The following SMOX variants were observed in gnomAD, a reference collection of about 807,000 sequenced individuals.
The protein encoded by SMOX is spermine oxidase, also known as flavin containing amine oxidase.
Under a neutral mutation model 51.0 loss-of-function variants are expected in SMOX, and 22 were observed. That is an observed-to-expected ratio of 0.43 (90% CI 0.31 to 0.62). The LOEUF (loss-of-function observed/expected upper bound fraction) is 0.62. SMOX is among the 20% of genes least tolerant of loss of function. The pLI is 0.10. For missense variants in SMOX, 566 were observed against 777.7 expected, an observed-to-expected ratio of 0.73 and a Z score of 3.24; for synonymous variants, 282 against 307.8, an observed-to-expected ratio of 0.92 and a Z score of 0.88.
rs145064074 is a variant in SMOX at position 4,182,819 on chromosome 20, T to C, written c.1340T>C (p.Ile447Thr). The change falls in exon 5 of 7, where the codon ATC becomes ACC. Residue 447 changes from isoleucine to threonine, a missense_variant. By Grantham distance (89) the Ile-to-Thr change is moderately conservative (BLOSUM62 -1). Around this residue, in one of 3 missense-constraint regions of SMOX, gnomAD observed 347 missense variants for 481.8 expected, o/e 0.72. Coordinates refer to ENST00000305958, the MANE Select transcript of SMOX (RefSeq NM_175839.3). This position sits in a 1 kb window ranked among gnomAD's most constrained non-coding sequence, Gnocchi z 8.4. Reference protein sequence around the residue: ...EKCDDEAVAEICTEMLRQFTG... With the variant: ...EKCDDEAVAETCTEMLRQFTG... ...TGTGATGACGAGGCAGTGGCCGAGA[T>C]CTGCACGGAGATGCTGCGTCAGTTC... is the stretch of plus-strand genomic sequence containing the variant. The C allele has an allele frequency of 1.1e-5, 17 of 1,609,700 alleles. No homozygotes were observed. The African/African-American group carries it at 1.9e-4, about 18-fold the overall frequency.
chr20:4,187,158 G>C lies in SMOX; in HGVS notation c.1531-112G>C. On this transcript the variant is annotated intron_variant, in intron 6 of 6. Coordinates refer to ENST00000305958, the MANE Select transcript of SMOX (RefSeq NM_175839.3). This position sits in a 1 kb window ranked among gnomAD's most constrained non-coding sequence, Gnocchi z 4.8. ...TGGAAGCAGCAGCACCTGCGTCTCA[G>C]AGCCTCTCTAATTTGTCATTGGGAT... 1 of 1,366,638 alleles carries C rather than the reference G, an allele frequency of 7.3e-7. No individual in the cohort carries two copies. Among genetic ancestry groups the C allele is most frequent in the Non-Finnish European group, 9.8e-7 (1 of 1,018,604 alleles). The allele number at this position is 1,366,638 out of a possible 1,614,324, so 84.7% of individuals were successfully genotyped here. A position where few individuals can be genotyped will look rare whatever the true frequency, so the allele number is the denominator to read the frequency against.
chr20:4,183,067 T>C lies in SMOX; in HGVS notation c.1369+219T>C. 1 of 637,036 alleles carries C rather than the reference T, an allele frequency of 1.6e-6. No homozygotes were observed. The allele number at this position is 637,036 out of a possible 1,614,324, so 39.5% of individuals were successfully genotyped here. A position where few individuals can be genotyped will look rare whatever the true frequency, so the allele number is the denominator to read the frequency against. On this transcript the variant is annotated intron_variant, in intron 5 of 6. Coordinates refer to ENST00000305958, the MANE Select transcript of SMOX (RefSeq NM_175839.3). The surrounding 1 kb of genome is among the most constrained non-coding windows in gnomAD (Gnocchi z 4.3). ...TCAGAATTATGGGCGCTGTGTCTCT[T>C]CCCCCTTTCTAAAGGCTGATGGTAA...
chr20:4,150,361 C>T (rs1439060961), intron 1 of SMOX, among the ~76,000 whole-genome samples: 1 of 152,150 alleles, frequency 6.6e-6, no homozygotes, highest in African/African-American at 2.4e-5. Flanking sequence ...GAGCTCCACG[C>T]CCCCAAAAGC....
intron 1 of SMOX, among the ~76,000 whole-genome samples, chr20:4,155,052 C>T (rs1985944259): frequency 6.6e-6 from 1 of 152,074 alleles, no homozygotes; most frequent in African/African-American, 2.4e-5. Context: ...TCTTGGGTGA[C>T]TGTATCCCGG....
At chr20:4,168,794 T>C (rs771544739) in intron 1 of SMOX, among the ~76,000 whole-genome samples, 33 of 151,840 alleles carry the variant, frequency 2.2e-4, no homozygotes, top group Non-Finnish European at 2.7e-4. Context: ...TGGCCTCAAG[T>C]GATCCGCCCG....
chr20:4,156,547 G>A (rs1380125881), intron 1 of SMOX, among the ~76,000 whole-genome samples: 1 of 152,090 alleles, frequency 6.6e-6, no homozygotes, highest in Non-Finnish European at 1.5e-5. Context: ...AACTGACCAG[G>A]GCCCTCAGAT....
chr20:4,172,714 C>T lies in SMOX; in HGVS notation c.-26-2316C>T, dbSNP rs1600813968. Among the ~76,000 whole-genome samples, 2 of 151,436 alleles carry T rather than the reference C, an allele frequency of 1.3e-5. No individual in the cohort carries two copies. The highest frequency in any genetic ancestry group is 4.8e-5 in the African/African-American group (2 of 41,280). ...GGCTCCGGGTCTCGGGCGCCACCTA[C>T]CGGCCCTTTTGGGAACCGATTCTGC... On this transcript the variant is annotated intron_variant, in intron 1 of 6. Transcript: ENST00000305958. The surrounding 1 kb of genome is among the most constrained non-coding windows in gnomAD (Gnocchi z 7.7).
rs775926416 is a variant in SMOX at position 4,181,952 on chromosome 20, C to T, written c.585C>T (p.Leu195=). 31 of 1,613,978 alleles carry T rather than the reference C, an allele frequency of 1.9e-5. No homozygotes were observed. The highest frequency in any genetic ancestry group is 1.2e-4 in the South Asian group (11 of 91,076). ...DDPEATKRLK[L]AMIQQYLKVE... ...CAGAGGCTACCAAGCGCCTGAAGCT[C>T]GCCATGATCCAGCAGTACCTGAAGG... is the stretch of plus-strand genomic sequence containing the variant. The change falls in exon 4 of 7, where the codon CTC becomes CTT. Residue 195 remains leucine, a synonymous_variant. Coordinates refer to ENST00000305958, the MANE Select transcript of SMOX (RefSeq NM_175839.3). This position sits in a 1 kb window ranked among gnomAD's most constrained non-coding sequence, Gnocchi z 5.6.
In SMOX at chr20:4,183,237, A is replaced by T; in HGVS notation, c.1370-257A>T. 3.4e-6 allele frequency: 2 copies of T among 588,288 alleles called. No homozygotes were observed. The highest frequency in any genetic ancestry group is 3.0e-6 in the Non-Finnish European group (1 of 332,972). 36.4% of individuals were successfully genotyped at this position (588,288 alleles called of 1,614,324 possible). ...CCCCGATATTAGGCGGGGAAACATG[A>T]TTATGTGTCATGTGTTTTCAGATAG... On this transcript the variant is annotated intron_variant, in intron 5 of 6. Coordinates refer to ENST00000305958, the MANE Select transcript of SMOX (RefSeq NM_175839.3). The surrounding 1 kb of genome is among the most constrained non-coding windows in gnomAD (Gnocchi z 4.3).
In SMOX at chr20:4,172,487, T is replaced by C. The variant is rs1412976748; in HGVS notation, c.-26-2543T>C. Among the ~76,000 whole-genome samples the C allele has an allele frequency of 6.6e-6, 1 of 151,650 alleles. No individual in the cohort carries two copies. Among genetic ancestry groups the C allele is most frequent in the East Asian group, 2.0e-4 (1 of 5,122 alleles). Reference sequence around the variant, plus strand: ...GGACTGGAGCCAGCCCTGATCCGTGTCCTCTCGGGAGGGAGGCAGGACCTA... The same window carrying C: ...GGACTGGAGCCAGCCCTGATCCGTGCCCTCTCGGGAGGGAGGCAGGACCTA... On this transcript the variant is annotated intron_variant, in intron 1 of 6. Transcript: ENST00000305958. This position sits in a 1 kb window ranked among gnomAD's most constrained non-coding sequence, Gnocchi z 7.7.
chr20:4,150,977 A>G (rs1347244813), intron 1 of SMOX, among the ~76,000 whole-genome samples: 1 of 151,956 alleles, frequency 6.6e-6, no homozygotes, highest in African/African-American at 2.4e-5. Context: ...GATTACAGGC[A>G]TGCGCCACCA....
At chr20:4,157,245 G>C (rs1188171703) in intron 1 of SMOX, among the ~76,000 whole-genome samples, 1 of 152,156 alleles carries the variant, frequency 6.6e-6, no homozygotes, top group East Asian at 1.9e-4. Context: ...CTGGGTTGTT[G>C]TGACACTCTA....
chr20:4,161,580 C>T (rs1279940194), intron 1 of SMOX, among the ~76,000 whole-genome samples: 1 of 152,152 alleles, frequency 6.6e-6, no homozygotes, highest in Admixed American at 6.5e-5. Flanking sequence ...TGGCCCTTGC[C>T]CTCACCCCAC....
In SMOX at chr20:4,177,300, C is replaced by T. The variant is rs143606778; in HGVS notation, c.209-51C>T. 6,299 of 1,484,646 alleles carry T rather than the reference C, an allele frequency of 4.2e-3. 16 individuals are homozygous for T. The highest frequency in any genetic ancestry group is 5.4e-3 in the Non-Finnish European group (5,928 of 1,088,088). 92.0% of individuals were successfully genotyped at this position (1,484,646 alleles called of 1,614,324 possible). The stretch of plus-strand genomic sequence containing the variant: ...GAAGGAGGGGGAAGCAGTGCTGGCC[C>T]TCTCTGGAGAAGTCCCTAAGCCTCT... On this transcript the variant is annotated intron_variant, in intron 2 of 6. Coordinates refer to ENST00000305958, the MANE Select transcript of SMOX (RefSeq NM_175839.3). The surrounding 1 kb of genome is among the most constrained non-coding windows in gnomAD (Gnocchi z 4.3).
rs1446125402 is a variant in SMOX at position 4,167,588 on chromosome 20, T to C, written c.-26-7442T>C. On this transcript the variant is annotated intron_variant, in intron 1 of 6. Transcript: ENST00000305958. The surrounding 1 kb of genome is among the most constrained non-coding windows in gnomAD (Gnocchi z 4.8). Reference sequence around the variant, plus strand: ...CGTCCTTGGAGTGAGTTCAGAGGTGTTGGCCAAGTGGGGCCTGGAGAAGGG... The same window carrying C: ...CGTCCTTGGAGTGAGTTCAGAGGTGCTGGCCAAGTGGGGCCTGGAGAAGGG... 1.3e-5 allele frequency among the ~76,000 whole-genome samples: 2 copies of C among 152,054 alleles called. No individual in the cohort carries two copies. Among genetic ancestry groups the C allele is most frequent in the Non-Finnish European group, 2.9e-5 (2 of 67,994 alleles).
rs1308538996 is a variant in SMOX, at chr20:4,149,800, C to G, written c.-27+823C>G. Among the ~76,000 whole-genome samples, 1 of 152,210 alleles carries G rather than the reference C, an allele frequency of 6.6e-6. No homozygotes were observed. Among genetic ancestry groups the G allele is most frequent in the African/African-American group, 2.4e-5 (1 of 41,446 alleles). ...AGGTGCCCACAGGTTGTTTGCAGAA[C>G]CTGCTGTTGGTGGCACATCACGTAC... is the stretch of plus-strand genomic sequence containing the variant. On this transcript the variant is annotated intron_variant, in intron 1 of 6. Coordinates refer to ENST00000305958, the MANE Select transcript of SMOX (RefSeq NM_175839.3). This position sits in a 1 kb window ranked among gnomAD's most constrained non-coding sequence, Gnocchi z 6.0.
chr20:4,183,764 AG>A lies in SMOX; in HGVS notation c.1530+112del. 7.8e-6 allele frequency: 10 copies of A among 1,283,506 alleles called. 1 individual carries two copies. In the South Asian group the frequency reaches 1.8e-4, roughly 22 times the overall value. 79.5% of individuals were successfully genotyped at this position (1,283,506 alleles called of 1,614,324 possible). A position where few individuals can be genotyped will look rare whatever the true frequency, so the allele number is the denominator to read the frequency against. On this transcript the variant is annotated intron_variant, in intron 6 of 6. Coordinates refer to ENST00000305958, the MANE Select transcript of SMOX (RefSeq NM_175839.3). The surrounding 1 kb of genome is among the most constrained non-coding windows in gnomAD (Gnocchi z 4.3). Reference sequence around the variant, plus strand: ...GTGTTCACTAAGGGGTGCTCAGGTGAGGCAGGGATGGAGTAGCTTCTGTAAT... The same window carrying A: ...GTGTTCACTAAGGGGTGCTCAGGTGAGCAGGGATGGAGTAGCTTCTGTAAT...
chr20:4,186,983 G>A, intron 6 of SMOX: 1 of 603,712 alleles, frequency 1.7e-6, no homozygotes, highest in Admixed American at 2.9e-5. Flanking sequence ...GGCTTAGGGA[G>A]GTTAAACCAC....
At position 4,183,279 on chromosome 20, in the gene SMOX, G is replaced by T; in HGVS notation, c.1370-215G>T. On this transcript the variant is annotated intron_variant, in intron 5 of 6. Coordinates refer to ENST00000305958, the MANE Select transcript of SMOX (RefSeq NM_175839.3). This position sits in a 1 kb window ranked among gnomAD's most constrained non-coding sequence, Gnocchi z 4.3. Reference sequence around the variant, plus strand: ...TTCAGATAGATAGGAAAAGTAAGGTGGAGCGTTTTGCCGGGGGTCACAGGA... The same window carrying T: ...TTCAGATAGATAGGAAAAGTAAGGTTGAGCGTTTTGCCGGGGGTCACAGGA... 1.6e-6 allele frequency: 1 copy of T among 627,850 alleles called. No individual in the cohort carries two copies. The allele number at this position is 627,850 out of a possible 1,614,324, so 38.9% of individuals were successfully genotyped here.
Sources: allele counts gnomAD v4.1 joint callset (sites outside exome capture counted in the v4.1 genomes callset), GRCh38; gene constraint gnomAD v4.1.1; regional missense constraint gnomAD v4.1.1; non-coding constraint Gnocchi (gnomAD v3.1); transcripts MANE v1.5; gene names NCBI Gene and HGNC (gene_info 2026-07-23, HGNC 2026-07-21).